Variants in MYO18A observed in about 807,000 individuals in gnomAD.
MYO18A encodes the protein unconventional myosin-XVIIIa.
A neutral mutation model predicts 235.8 loss-of-function variants in MYO18A; 78 were observed. The ratio of observed to expected loss-of-function variants is 0.33; its 90% CI spans 0.28 to 0.40. The LOEUF (loss-of-function observed/expected upper bound fraction) is 0.40. MYO18A is among the 10% of genes least tolerant of loss of function. MYO18A has a pLI of 1.00. For synonymous variants in MYO18A, 977 were observed against 1,077.8 expected (o/e 0.91, Z 1.83); for missense variants, 2,215 against 2,699.3 (o/e 0.82, Z 3.98).
chr17:29,101,561 C>T (rs2066651991), intron 21 of MYO18A, among the ~76,000 whole-genome samples: 1 of 152,238 alleles, frequency 6.6e-6, no homozygotes, highest in Non-Finnish European at 1.5e-5. Context: ...CCCACCTCAG[C>T]CTCCCAAAGT....
Position 29,111,931 on chromosome 17 carries a change from G to A in MYO18A, c.2599-68C>T. ...TGGGAAAGGGGCCAGGGTGGTGCCG[G>A]GCCCAAACACACCCTACAGAATGCT... is the stretch of plus-strand genomic sequence containing the variant. On this transcript the variant is annotated intron_variant, in intron 15 of 41. Transcript: ENST00000527372. This position sits in a 1 kb window ranked among gnomAD's most constrained non-coding sequence, Gnocchi z 5.1. 1 of 1,547,692 alleles carries A rather than the reference G, an allele frequency of 6.5e-7. No individual in the cohort carries two copies.
chr17:29,106,642 C>T lies in MYO18A; in HGVS notation c.3441+438G>A, dbSNP rs1019734194. 1.1e-4 allele frequency among the ~76,000 whole-genome samples: 16 copies of T among 152,220 alleles called. No individual in the cohort carries two copies. Among genetic ancestry groups the T allele is most frequent in the African/African-American group, 3.1e-4 (13 of 41,454 alleles). ...CACCAACCAGGGCCGGCAAATGGCC[C>T]GGCAGCCTATGTTCACCTGGCACCA... On this transcript the variant is annotated intron_variant, in intron 20 of 41. Coordinates refer to ENST00000527372, the MANE Select transcript of MYO18A (RefSeq NM_078471.4). This position sits in a 1 kb window ranked among gnomAD's most constrained non-coding sequence, Gnocchi z 4.6.
rs777821484 is a variant in MYO18A, at chr17:29,107,140, G to A, written c.3381C>T (p.Val1127=). The A allele has an allele frequency of 4.3e-6, 7 of 1,613,906 alleles. No individual in the cohort carries two copies. In the Admixed American group the frequency reaches 1.0e-4, roughly 23 times the overall value. ...VFSEFRRRFD[V]LAPHLTKKHG... is the part of the protein sequence containing the mutation. The stretch of plus-strand genomic sequence containing the variant: ...GTTTCTTGGTCAGGTGCGGGGCCAG[G>A]ACATCAAAGCGGCGGCGGAACTCGG... The change falls in exon 20 of 42, where the codon GTC becomes GTT. Residue 1127 remains valine, a synonymous_variant. Transcript: ENST00000527372.
At position 29,106,974 on chromosome 17, in the gene MYO18A, G is replaced by T; in HGVS notation, c.3441+106C>A. On this transcript the variant is annotated intron_variant, in intron 20 of 41. Coordinates refer to ENST00000527372, the MANE Select transcript of MYO18A (RefSeq NM_078471.4). The surrounding 1 kb of genome is among the most constrained non-coding windows in gnomAD (Gnocchi z 4.6). ...GCTTCCAAAACTGGGAGCCTGAGCA[G>T]GGCCAGATGAGCTGTCTCCAGGGAA... 1 of 1,113,256 alleles carries T rather than the reference G, an allele frequency of 9.0e-7. No individual in the cohort carries two copies. The highest frequency in any genetic ancestry group is 2.5e-5 in the East Asian group (1 of 40,778). The allele number at this position is 1,113,256 out of a possible 1,614,324, so 69.0% of individuals were successfully genotyped here.
Position 29,110,439 on chromosome 17 carries a change from C to T in MYO18A, c.3084G>A (p.Gln1028=), listed in dbSNP as rs1284187492. The T allele has an allele frequency of 6.3e-7, 1 of 1,584,592 alleles. No homozygotes were observed. The highest frequency in any genetic ancestry group is 8.6e-7 in the Non-Finnish European group (1 of 1,165,830). Reference sequence around the variant, plus strand: ...CTGGGACCCGGCTGGCACTCACCACCTGTAGCTTCATCTGGATGCACAGTG... The same window carrying T: ...CTGGGACCCGGCTGGCACTCACCACTTGTAGCTTCATCTGGATGCACAGTG... ...KKSLCIQMKL[Q]VDALIDTIKK... Residue 1028 remains glutamine (Q), a synonymous_variant, in exon 18 of 42, where the codon CAG becomes CAA. Transcript: ENST00000527372.
At chr17:29,089,939 C>T (rs764415160) in intron 37 of MYO18A, 22 bp downstream of exon 37, 1 of 1,613,666 alleles carries the variant, frequency 6.2e-7, no homozygotes, top group Non-Finnish European at 8.5e-7. Flanking sequence ...TTTGGTGTGG[C>T]CCGGGAGAAG....
Position 29,115,422 on chromosome 17 carries a change from C to T in MYO18A, c.2247G>A (p.Leu749=), listed in dbSNP as rs370840618. ...CGGCCGCCATGCCCTCAAGGCACTC[C>T]AGTGCACTCAGTTTCGGGCCTGTGG... ...GDGTGPKLSA[L]ECLEGMAAGL... The change falls in exon 13 of 42, where the codon CTG becomes CTA. Residue 749 remains leucine (L), a synonymous_variant. Transcript: ENST00000527372. 1.4e-5 allele frequency: 23 copies of T among 1,613,756 alleles called. No homozygotes were observed. Among genetic ancestry groups the T allele is most frequent in the Non-Finnish European group, 1.9e-5 (23 of 1,179,868 alleles).
At position 29,097,318 on chromosome 17, in the gene MYO18A, C is replaced by T. The variant is rs776447881; in HGVS notation, c.4135G>A (p.Val1379Met). Residue 1379 changes from valine to methionine, a missense_variant, in exon 27 of 42, where the codon GTG (valine) becomes ATG (methionine). Val to Met is a conservative substitution (Grantham distance 21). Transcript: ENST00000527372. ...TTCTTGGTGAAGTCCACCTCCCGCA[C>T]AGCCCGCTCATACTTCAGCCGCCAC... ...GEWRLKYERAVREVDFTKKRL... is the reference protein window; with the variant it reads ...GEWRLKYERAMREVDFTKKRL... 1 of 1,609,864 alleles carries T rather than the reference C, an allele frequency of 6.2e-7. No individual in the cohort carries two copies. The highest frequency in any genetic ancestry group is 1.3e-5 in the African/African-American group (1 of 75,032).
intron 22 of MYO18A, 111 bp from the exon 23 acceptor site, chr17:29,099,080 C>T (rs927921900): frequency 3.9e-5 from 52 of 1,349,546 alleles, no homozygotes; most frequent in Non-Finnish European, 5.1e-5. Flanking sequence ...CTCCTCTGGC[C>T]CCCTGACCCC....
At position 29,098,805 on chromosome 17, in the gene MYO18A, C is replaced by A. The variant is rs747096902; in HGVS notation, c.3780+21G>T. The stretch of plus-strand genomic sequence containing the variant: ...GGCTTCCCCCTACCCAGAGACTTGG[C>A]CCTCTCAGGCTGTCACATACGTCTT... On this transcript the variant is annotated intron_variant, in intron 23 of 41. Coordinates refer to ENST00000527372, the MANE Select transcript of MYO18A (RefSeq NM_078471.4). 6 of 1,613,468 alleles carry A rather than the reference C, an allele frequency of 3.7e-6. No homozygotes were observed. The Admixed American group carries it at 6.7e-5, about 18-fold the overall frequency.
intron 28 of MYO18A, among the ~76,000 whole-genome samples, chr17:29,096,106 G>A (rs1298766373): frequency 1.3e-5 from 2 of 152,222 alleles, no homozygotes; most frequent in Non-Finnish European, 2.9e-5. Context: ...CACTCCCAGT[G>A]TTGTGGGTGT....
Position 29,111,968 on chromosome 17 carries a change from C to T in MYO18A, c.2599-105G>A. ...CCCTACAGAATGCTACACATGTGCA[C>T]ACATGCACACACGCACATGCCGCAG... is the stretch of plus-strand genomic sequence containing the variant. On this transcript the variant is annotated intron_variant, in intron 15 of 41. Transcript: ENST00000527372. This position sits in a 1 kb window ranked among gnomAD's most constrained non-coding sequence, Gnocchi z 5.1. 1 of 1,347,342 alleles carries T rather than the reference C, an allele frequency of 7.4e-7. No homozygotes were observed. The highest frequency in any genetic ancestry group is 2.3e-5 in the East Asian group (1 of 42,922). The allele number at this position is 1,347,342 out of a possible 1,614,324, so 83.5% of individuals were successfully genotyped here. A position where few individuals can be genotyped will look rare whatever the true frequency, so the allele number is the denominator to read the frequency against.
intron 12 of MYO18A, 31 bp downstream of exon 12, chr17:29,115,633 T>C: frequency 1.3e-6 from 2 of 1,561,024 alleles, no homozygotes; most frequent in Admixed American, 1.9e-5. Flanking sequence ...GGCCTCACAC[T>C]CACAACTACC....
intron 23 of MYO18A, among the ~76,000 whole-genome samples, 170 bp from the exon 24 acceptor site, chr17:29,098,615 C>T (rs57964934): frequency 0.015 from 2,265 of 152,296 alleles, 50 homozygotes; most frequent in African/African-American, 0.052. Context: ...TGTCCCTAGA[C>T]GCTTCCCAAT....
At chr17:29,087,738 C>T (rs1280431327) in intron 37 of MYO18A, among the ~76,000 whole-genome samples, 1 of 152,130 alleles carries the variant, frequency 6.6e-6, no homozygotes, top group African/African-American at 2.4e-5. Context: ...GACTGGTCCC[C>T]CAGCCTCTAT....
rs1216034108 is a variant in MYO18A at position 29,117,804 on chromosome 17, C to G, written c.2038+241G>C. On this transcript the variant is annotated intron_variant, in intron 10 of 41. Coordinates refer to ENST00000527372, the MANE Select transcript of MYO18A (RefSeq NM_078471.4). The surrounding 1 kb of genome is among the most constrained non-coding windows in gnomAD (Gnocchi z 4.6). Reference sequence around the variant, plus strand: ...CCTCAGCCTCTGAACCCCCAGCCCTCCATGCTTCCTCATGGTGCCCCCCAG... The same window carrying G: ...CCTCAGCCTCTGAACCCCCAGCCCTGCATGCTTCCTCATGGTGCCCCCCAG... Among the ~76,000 whole-genome samples the G allele has an allele frequency of 6.6e-6, 1 of 152,224 alleles. No individual in the cohort carries two copies. The highest frequency in any genetic ancestry group is 2.4e-5 in the African/African-American group (1 of 41,450).
In MYO18A at chr17:29,109,961, C is replaced by G. The variant is rs779130672; in HGVS notation, c.3228G>C (p.Ser1076=). The change falls in exon 19 of 42, where the codon TCG becomes TCC. Residue 1076 remains serine, a synonymous_variant. Transcript: ENST00000527372. The surrounding 1 kb of genome is among the most constrained non-coding windows in gnomAD (Gnocchi z 4.1). ...VSSSSELDLP[S]GDHCEAGLLQ... is the part of the protein sequence containing the mutation. Reference sequence around the variant, plus strand: ...GGAGCCCAGCCTCGCAGTGGTCTCCCGAGGGCAGGTCCAGCTCACTGCTGC... The same window carrying G: ...GGAGCCCAGCCTCGCAGTGGTCTCCGGAGGGCAGGTCCAGCTCACTGCTGC... 1.2e-6 allele frequency: 2 copies of G among 1,609,952 alleles called. No individual in the cohort carries two copies. The highest frequency in any genetic ancestry group is 2.2e-5 in the East Asian group (1 of 44,724).
Position 29,119,317 on chromosome 17 carries a change from C to A in MYO18A, c.1829+18G>T, listed in dbSNP as rs904316801. On this transcript the variant is annotated intron_variant, in intron 8 of 41. Coordinates refer to ENST00000527372, the MANE Select transcript of MYO18A (RefSeq NM_078471.4). Reference sequence around the variant, plus strand: ...CTGGAGTTCAGAGAACCCTTGTGTACCCTCTGACCCATCTCACCTGAGGGT... The same window carrying A: ...CTGGAGTTCAGAGAACCCTTGTGTAACCTCTGACCCATCTCACCTGAGGGT... 5 of 1,590,508 alleles carry A rather than the reference C, an allele frequency of 3.1e-6. No individual in the cohort carries two copies. Among genetic ancestry groups the A allele is most frequent in the Middle Eastern group, 1.8e-4 (1 of 5,702 alleles).
At chr17:29,098,021 T>C in intron 25 of MYO18A, 84 bp downstream of exon 25, 3 of 1,584,910 alleles carry the variant, frequency 1.9e-6, no homozygotes, top group African/African-American at 1.3e-5. Flanking sequence ...GGGGTGAAGA[T>C]GCCAACTGTC....
Sources: allele counts gnomAD v4.1 joint callset (sites outside exome capture counted in the v4.1 genomes callset), GRCh38; gene constraint gnomAD v4.1.1; non-coding constraint Gnocchi (gnomAD v3.1); transcripts MANE v1.5; gene names NCBI Gene and HGNC (gene_info 2026-07-23, HGNC 2026-07-21).